The following BBX variants were observed in gnomAD, a reference collection of about 807,000 sequenced individuals.
The protein encoded by BBX is HMG box transcription factor BBX.
A neutral mutation model predicts 100.2 loss-of-function variants in BBX; 30 were observed. The ratio of observed to expected loss-of-function variants is 0.30; its 90% CI spans 0.22 to 0.41. The LOEUF (loss-of-function observed/expected upper bound fraction) is 0.41. Ranked by LOEUF, BBX falls within the 10% of genes least tolerant of loss-of-function variation. BBX has a pLI of 1.00. For synonymous variants in BBX, 376 were observed against 388.1 expected (o/e 0.97, Z 0.37); for missense variants, 1,023 against 1,129.8 (o/e 0.91, Z 1.35).
rs541117407 is a variant in BBX, at chr3:107,582,548, T to G, written c.-84+56150T>G. Among the ~76,000 whole-genome samples, 19 of 152,168 alleles carry G rather than the reference T, an allele frequency of 1.2e-4. No individual in the cohort carries two copies. The East Asian group carries it at 3.7e-3, about 29-fold the overall frequency. On this transcript the variant is annotated intron_variant, in intron 2 of 17. Transcript: ENST00000325805. ...AATTTCAACAAAGGAGGGTACGTTC[T>G]CCCTGTTTTTATAGTTTGCTTGTTC...
chr3:107,624,981 A>G (rs942885637), intron 2 of BBX, among the ~76,000 whole-genome samples: 6 of 152,264 alleles, frequency 3.9e-5, no homozygotes, highest in African/African-American at 9.6e-5. Flanking sequence ...GCCATGACTG[A>G]TAATTCTATT....
intron 2 of BBX, among the ~76,000 whole-genome samples, chr3:107,563,186 A>G (rs1477764575): frequency 6.6e-6 from 1 of 152,118 alleles, no homozygotes; most frequent in African/African-American, 2.4e-5. Flanking sequence ...TCTCTTCCAA[A>G]CATCTCCTTT....
chr3:107,563,345 C>T (rs556356721), intron 2 of BBX, among the ~76,000 whole-genome samples: 72 of 152,264 alleles, frequency 4.7e-4, no homozygotes, highest in African/African-American at 1.6e-3. Context: ...AGGCAGTACC[C>T]GCTACTTCCT....
chr3:107,642,119 A>T (rs1258079417), intron 2 of BBX, among the ~76,000 whole-genome samples: 1 of 152,226 alleles, frequency 6.6e-6, no homozygotes, highest in East Asian at 1.9e-4. Flanking sequence ...TGGTATAACA[A>T]CATCATTTTC....
chr3:107,788,837 C>A (rs924060907), intron 13 of BBX, among the ~76,000 whole-genome samples: 2 of 152,076 alleles, frequency 1.3e-5, no homozygotes, highest in Non-Finnish European at 2.9e-5. Context: ...ACAGCCTAGG[C>A]AACCCTTCTG....
At chr3:107,676,376 C>A (rs114824662) in intron 3 of BBX, among the ~76,000 whole-genome samples, 2,081 of 152,172 alleles carry the variant, frequency 0.014, 19 homozygotes, top group Non-Finnish European at 0.022. Flanking sequence ...TTACTGCCAC[C>A]CTGATGGTAA....
chr3:107,695,329 A>AT (rs1455549990), intron 3 of BBX, among the ~76,000 whole-genome samples: 21 of 123,310 alleles, frequency 1.7e-4, no homozygotes. Flanking sequence ...TCTTGTGGGC[A>AT]TTTAGTGCTA....
intron 2 of BBX, among the ~76,000 whole-genome samples, chr3:107,569,203 G>A (rs1329443823): frequency 2.6e-5 from 4 of 152,108 alleles, no homozygotes; most frequent in African/African-American, 7.2e-5. Flanking sequence ...ATCCTTGATA[G>A]TTTCTTGATA....
intron 3 of BBX, among the ~76,000 whole-genome samples, chr3:107,680,434 G>A (rs570930066): frequency 5.4e-4 from 82 of 152,264 alleles, no homozygotes; most frequent in African/African-American, 1.9e-3. Context: ...GAAAGTAAGG[G>A]TGAAGTGGTT....
chr3:107,776,952 C>G (rs2067367863), intron 12 of BBX, among the ~76,000 whole-genome samples: 1 of 152,148 alleles, frequency 6.6e-6, no homozygotes. Context: ...ACCCGTTACC[C>G]TTTATTGCTT....
chr3:107,526,619 T>C (rs2047795161), intron 2 of BBX: 3 of 351,584 alleles, frequency 8.5e-6, no homozygotes, highest in Non-Finnish European at 1.5e-5. Flanking sequence ...TGTGTTTATC[T>C]ACAAGTAATT....
At chr3:107,692,767 C>T (rs1462753343) in intron 3 of BBX, among the ~76,000 whole-genome samples, 3 of 149,724 alleles carry the variant, frequency 2.0e-5, no homozygotes, top group African/African-American at 2.4e-5. Flanking sequence ...CCTGAGGAAT[C>T]GCCACGCTGA....
At chr3:107,638,782 CA>C (rs2057013259) in intron 2 of BBX, among the ~76,000 whole-genome samples, 1 of 1,856 alleles carries the variant, frequency 5.4e-4, no homozygotes, top group Non-Finnish European at 8.3e-4. Context: ...AAAAAGTATA[CA>C]CACACACACA....
chr3:107,741,175 C>T (rs2064073040), intron 7 of BBX, among the ~76,000 whole-genome samples: 1 of 151,852 alleles, frequency 6.6e-6, no homozygotes. Flanking sequence ...GGTTGTGGTC[C>T]TGTGTTTTGC....
rs2070426152 is a variant in BBX at position 107,801,211 on chromosome 3, A to G, written c.2668A>G (p.Met890Val). 8 of 1,614,220 alleles carry G rather than the reference A, an allele frequency of 5.0e-6. No individual in the cohort carries two copies. Among genetic ancestry groups the G allele is most frequent in the Non-Finnish European group, 6.8e-6 (8 of 1,180,030 alleles). ...VGETRSSTPE[M>V]PAVSAFFSLA... ...GGAGACGCGGAGCAGTACTCCAGAAATGCCTGCCGTGTCTGCGTTCTTTAG... is the reference window on the plus strand; with the variant it reads ...GGAGACGCGGAGCAGTACTCCAGAAGTGCCTGCCGTGTCTGCGTTCTTTAG... Residue 890 changes from methionine (M) to valine (V), a missense_variant, in exon 17 of 18, where the codon ATG (methionine) becomes GTG (valine). Coordinates refer to ENST00000325805, the MANE Select transcript of BBX (RefSeq NM_001142568.3).
chr3:107,810,230 G>T lies in BBX; in HGVS notation c.*4773G>T, dbSNP rs1021872308. On this transcript the variant is annotated 3_prime_UTR_variant, in exon 18 of 18. Coordinates refer to ENST00000325805, the MANE Select transcript of BBX (RefSeq NM_001142568.3). Reference sequence around the variant, plus strand: ...TTTTTTAAAAAAAAAAAAAAAAAAGGTTCCTCTTCTGGCCAAATTTGATCT... The same window carrying T: ...TTTTTTAAAAAAAAAAAAAAAAAAGTTTCCTCTTCTGGCCAAATTTGATCT... 4 of 148,196 alleles carry T rather than the reference G, an allele frequency of 2.7e-5. No homozygotes were observed. Among genetic ancestry groups the T allele is most frequent in the South Asian group, 4.2e-4 (2 of 4,706 alleles). 9.2% of individuals were successfully genotyped at this position (148,196 alleles called of 1,614,324 possible).
intron 5 of BBX, among the ~76,000 whole-genome samples, chr3:107,717,099 C>A (rs1308704211): frequency 1.3e-5 from 2 of 152,116 alleles, no homozygotes; most frequent in African/African-American, 2.4e-5. Context: ...ATTGTCTATA[C>A]CCCACTGATT....
At chr3:107,570,683 C>T (rs572140748) in intron 2 of BBX, among the ~76,000 whole-genome samples, 6 of 151,890 alleles carry the variant, frequency 4.0e-5, no homozygotes, top group East Asian at 1.9e-4. Context: ...GGTGGGGGAG[C>T]GGAGGCTGAG....
chr3:107,788,054 A>T (rs1054376706), intron 13 of BBX, among the ~76,000 whole-genome samples: 1 of 152,168 alleles, frequency 6.6e-6, no homozygotes, highest in Admixed American at 6.5e-5. Flanking sequence ...TATACACCCA[A>T]TATAAGAGGT....
Sources: gnomAD v4.1 joint callset for allele counts (sites outside exome capture counted in the v4.1 genomes callset) on GRCh38, gnomAD v4.1.1 for gene constraint, MANE v1.5 for transcripts, NCBI Gene and HGNC (gene_info 2026-07-23, HGNC 2026-07-21) for gene names.